The following C10orf143 variants were observed in gnomAD, a reference collection of about 807,000 sequenced individuals.
C10orf143 encodes the protein chromosome 10 open reading frame 143, also known as uncharacterized protein C10orf143.
intron 1 of C10orf143, among the ~76,000 whole-genome samples, chr10:130,093,005 T>A (rs1172233629): frequency 2.0e-5 from 3 of 152,122 alleles, no homozygotes; most frequent in African/African-American, 4.8e-5. Flanking sequence ...ATTAGATAGA[T>A]CAACGAGACA....
chr10:130,101,563 A>T (rs1861550977), intron 1 of C10orf143, among the ~76,000 whole-genome samples: 1 of 152,048 alleles, frequency 6.6e-6, no homozygotes, highest in South Asian at 2.1e-4. Context: ...TTTCAAAATA[A>T]GGATAAAATT....
At chr10:130,106,098 AG>A (rs1195147868) in intron 1 of C10orf143, 1 of 625,890 alleles carries the variant, frequency 1.6e-6, no homozygotes, top group Non-Finnish European at 3.0e-6. Flanking sequence ...GTCCTGGGGG[AG>A]CCACGCAGGG....
At chr10:130,042,020 C>T (rs1037970286) in intron 3 of C10orf143, among the ~76,000 whole-genome samples, 4 of 152,114 alleles carry the variant, frequency 2.6e-5, no homozygotes, top group East Asian at 3.9e-4. Context: ...CATGCACACA[C>T]GTTCATACAT....
rs184950833 is a variant in C10orf143 at position 130,094,431 on chromosome 10, A to G, written c.70-14530T>C. Among the ~76,000 whole-genome samples the G allele has an allele frequency of 1.1e-4, 16 of 152,294 alleles. No individual in the cohort carries two copies. The East Asian group carries it at 2.9e-3, about 28-fold the overall frequency. Reference sequence around the variant, plus strand: ...TGGCAGAGACACAACAAAAAAAGAAAATTTCAGGTCAATATCCCTGATGAA... The same window carrying G: ...TGGCAGAGACACAACAAAAAAAGAAGATTTCAGGTCAATATCCCTGATGAA... On this transcript the variant is annotated intron_variant, in intron 1 of 3. Coordinates refer to ENST00000637128, the MANE Select transcript of C10orf143 (RefSeq NM_001355042.2).
At chr10:130,090,141 C>G (rs1191272121) in intron 1 of C10orf143, among the ~76,000 whole-genome samples, 1 of 152,188 alleles carries the variant, frequency 6.6e-6, no homozygotes, top group African/African-American at 2.4e-5. Flanking sequence ...CAAATAGGAA[C>G]AGCTCCAGTC....
intron 3 of C10orf143, among the ~76,000 whole-genome samples, chr10:130,073,142 A>T (rs1296988246): frequency 1.3e-5 from 2 of 151,984 alleles, no homozygotes; most frequent in Admixed American, 1.3e-4. Context: ...TTCTAGTGTG[A>T]TCTTATCCTC....
intron 1 of C10orf143, chr10:130,107,881 T>C (rs769682477): frequency 1.6e-6 from 2 of 1,281,394 alleles, no homozygotes; most frequent in East Asian, 2.3e-5. Context: ...CGCAATCATA[T>C]CTTGATTCAG....
intron 3 of C10orf143, among the ~76,000 whole-genome samples, chr10:130,041,702 A>T (rs1240161795): frequency 1.3e-5 from 2 of 152,236 alleles, no homozygotes; most frequent in South Asian, 4.1e-4. Context: ...CATGGCTTTT[A>T]AAATGATGAG....
intron 1 of C10orf143, among the ~76,000 whole-genome samples, chr10:130,109,670 G>A (rs1259512721): frequency 6.6e-6 from 1 of 152,056 alleles, no homozygotes; most frequent in African/African-American, 2.4e-5. Context: ...GGAGGGGTGC[G>A]GCTGTGATAG....
At chr10:130,109,765 T>C (rs1861727624) in intron 1 of C10orf143, among the ~76,000 whole-genome samples, 1 of 151,840 alleles carries the variant, frequency 6.6e-6, no homozygotes, top group Non-Finnish European at 1.5e-5. Flanking sequence ...TCATTCCCGC[T>C]ACGCAGTAAA....
At chr10:130,102,654 A>C (rs1282301963) in intron 1 of C10orf143, among the ~76,000 whole-genome samples, 1 of 152,250 alleles carries the variant, frequency 6.6e-6, no homozygotes, top group Non-Finnish European at 1.5e-5. Context: ...ACTGAAACTT[A>C]CTAATATAAT....
rs1192887471 is a variant in C10orf143 at position 130,058,699 on chromosome 10, A to G, written c.297+20867T>C. On this transcript the variant is annotated intron_variant and NMD_transcript_variant, in intron 3 of 5. Transcript: ENST00000643056. ...GACCTATCTATACTAACGAAACAGG[A>G]AAGTGTTTATCAGAGCAAAATGTAC... Among the ~76,000 whole-genome samples the G allele has an allele frequency of 3.3e-5, 5 of 151,964 alleles. No homozygotes were observed. The East Asian group carries it at 9.7e-4, about 29-fold the overall frequency.
chr10:130,061,880 T>C (rs999402344), downstream of C10orf143, among the ~76,000 whole-genome samples: 5 of 151,898 alleles, frequency 3.3e-5, no homozygotes, highest in Non-Finnish European at 1.5e-5. Context: ...AGGAGGCGGG[T>C]TGGGCTGGAG....
chr10:130,088,219 C>G (rs957649487), intron 1 of C10orf143, among the ~76,000 whole-genome samples: 3 of 152,060 alleles, frequency 2.0e-5, no homozygotes, highest in Non-Finnish European at 4.4e-5. Context: ...TCCGTCTCTA[C>G]TAAACATACA....
At chr10:130,072,350 C>CA (rs5789011) in intron 3 of C10orf143, among the ~76,000 whole-genome samples, 90,432 of 151,992 alleles carry the variant, frequency 0.59, 27,814 homozygotes, top group Admixed American at 0.71. Context: ...CTATTCTACT[C>CA]AAACATTCTC....
rs184221100 is a variant in C10orf143, at chr10:130,101,807, C to A, written c.69+8897G>T. Among the ~76,000 whole-genome samples, 447 of 121,360 alleles carry A rather than the reference C, an allele frequency of 3.7e-3. 6 individuals are homozygous for A. The highest frequency in any genetic ancestry group is 0.013 in the African/African-American group (424 of 31,632). 79.6% of individuals were successfully genotyped at this position (121,360 alleles called of 152,430 possible). ...CCCGGGAGACAGAGATTGCAGTGAGCTCTCTGCAACTCCAGCCTGGTGACA... is the reference window on the plus strand; with the variant it reads ...CCCGGGAGACAGAGATTGCAGTGAGATCTCTGCAACTCCAGCCTGGTGACA... On this transcript the variant is annotated intron_variant, in intron 1 of 3. Transcript: ENST00000637128.
intron 1 of C10orf143, among the ~76,000 whole-genome samples, chr10:130,086,826 T>C: frequency 6.6e-6 from 1 of 152,266 alleles, no homozygotes; most frequent in East Asian, 1.9e-4. Flanking sequence ...CTGTACTTTC[T>C]GGATGAAATT....
In C10orf143 at chr10:130,066,052, G is replaced by C. The variant is rs1860927503; in HGVS notation, c.298-1669C>G. The C allele has an allele frequency of 2.0e-5, 3 of 152,142 alleles. No homozygotes were observed. In the South Asian group the frequency reaches 6.2e-4, roughly 32 times the overall value. The allele number at this position is 152,142 out of a possible 1,614,324, so 9.4% of individuals were successfully genotyped here. ...TCTTTTTTAAAAACAGCTATTCACT[G>C]AGGTGACTTATTCCTGACGCATCCT... On this transcript the variant is annotated intron_variant, in intron 3 of 3. Transcript: ENST00000637128.
At chr10:130,046,190 G>A (rs1860669793) in intron 3 of C10orf143, among the ~76,000 whole-genome samples, 3 of 151,792 alleles carry the variant, frequency 2.0e-5, no homozygotes, top group African/African-American at 4.8e-5. Context: ...GCCTGAGTGG[G>A]GCGCGGGGCG....
Sources: allele counts gnomAD v4.1 joint callset (sites outside exome capture counted in the v4.1 genomes callset), GRCh38; gene constraint gnomAD v4.1.1; transcripts MANE v1.5; gene names NCBI Gene and HGNC (gene_info 2026-07-23, HGNC 2026-07-21).